The following TYW1 variants were observed in gnomAD, a reference collection of about 807,000 sequenced individuals.
TYW1 encodes the protein S-adenosyl-L-methionine-dependent tRNA 4-demethylwyosine synthase TYW1.
A neutral mutation model predicts 96.2 loss-of-function variants in TYW1; 46 were observed. The ratio of observed to expected loss-of-function variants is 0.48; its 90% CI spans 0.38 to 0.61. The LOEUF (loss-of-function observed/expected upper bound fraction) is 0.61, where lower values mean the gene tolerates loss of function less well. Among genes scored for constraint, TYW1 ranks in the 20% least tolerant of loss-of-function variants. The probability of loss-of-function intolerance (pLI) is 0.00; values close to 1 mark genes in which losing one functional copy is unlikely to be tolerated. For synonymous variants in TYW1, 274 were observed against 323.0 expected (o/e 0.85, Z 1.63); for missense variants, 684 against 909.6 (o/e 0.75, Z 3.19).
At chr7:67,221,951 A>C (rs1419135458) in intron 15 of TYW1, among the ~76,000 whole-genome samples, 12 of 151,846 alleles carry the variant, frequency 7.9e-5, no homozygotes, top group Middle Eastern at 3.5e-3. Flanking sequence ...TAATCCCAGC[A>C]CTTTGGGAGG....
At chr7:67,124,663 C>T (rs1012670918) in intron 13 of TYW1, among the ~76,000 whole-genome samples, 3 of 151,950 alleles carry the variant, frequency 2.0e-5, no homozygotes, top group African/African-American at 4.8e-5. Context: ...ATAAATGAAA[C>T]GATTGTTTAT....
chr7:67,144,759 C>T lies in TYW1; in HGVS notation c.1698+27141C>T, dbSNP rs548204488. ...TGCTGAGATTGCAGGCGTGAGCCAC[C>T]GGGCCTGGCCTCCTCTTTGTTTTTA... On this transcript the variant is annotated intron_variant, in intron 13 of 15. Transcript: ENST00000359626. Among the ~76,000 whole-genome samples, 5 of 152,280 alleles carry T rather than the reference C, an allele frequency of 3.3e-5. No homozygotes were observed. The South Asian group carries it at 1.0e-3, about 32-fold the overall frequency.
chr7:67,167,655 T>TA (rs1033076632), intron 13 of TYW1, among the ~76,000 whole-genome samples: 15 of 152,054 alleles, frequency 9.9e-5, no homozygotes, highest in African/African-American at 3.6e-4. Context: ...TTTATTTTTT[T>TA]AAAAAACAAT....
At chr7:67,122,234 G>A (rs11764514) in intron 13 of TYW1, among the ~76,000 whole-genome samples, 42,004 of 151,844 alleles carry the variant, frequency 0.28, 6,654 homozygotes, top group African/African-American at 0.44. Context: ...TGCATTGCAC[G>A]TTAACAATGA....
chr7:67,059,767 T>A (rs762258806), intron 9 of TYW1, among the ~76,000 whole-genome samples: 1 of 151,672 alleles, frequency 6.6e-6, no homozygotes, highest in African/African-American at 2.4e-5. Flanking sequence ...CATCTTGTAG[T>A]TATTTTTATT....
chr7:67,135,494 A>G (rs71526601), intron 13 of TYW1, among the ~76,000 whole-genome samples: 47,222 of 150,284 alleles, frequency 0.31, 7,943 homozygotes, highest in African/African-American at 0.44. Context: ...AGTAGAGATG[A>G]GGTTTCCCCA....
intron 9 of TYW1, among the ~76,000 whole-genome samples, chr7:67,064,814 C>A (rs1420334832): frequency 1.1e-4 from 17 of 152,148 alleles, no homozygotes; most frequent in Non-Finnish European, 2.9e-5. Flanking sequence ...TCAACAAATG[C>A]TGCTGGAGCA....
intron 11 of TYW1, among the ~76,000 whole-genome samples, chr7:67,092,978 C>T (rs943481826): frequency 1.6e-4 from 25 of 152,044 alleles, no homozygotes; most frequent in Admixed American, 1.0e-3. Flanking sequence ...CCACCACGCC[C>T]GGCCCAAAAC....
At chr7:67,001,115 G>A (rs1037405183) in intron 3 of TYW1, among the ~76,000 whole-genome samples, 2 of 152,078 alleles carry the variant, frequency 1.3e-5, no homozygotes, top group East Asian at 1.9e-4. Context: ...AAGATCAAAC[G>A]AATACTTGCA....
intron 8 of TYW1, among the ~76,000 whole-genome samples, chr7:67,053,424 G>A (rs530958290): frequency 6.8e-6 from 1 of 146,798 alleles, no homozygotes; most frequent in South Asian, 2.1e-4. Context: ...TTGTTGCCCA[G>A]TCTGGGGTGC....
chr7:67,112,462 A>G (rs2115944679), intron 12 of TYW1, among the ~76,000 whole-genome samples: 1 of 152,154 alleles, frequency 6.6e-6, no homozygotes, highest in Middle Eastern at 3.4e-3. Context: ...CTAAAAATAC[A>G]AAAATTAGGC....
intron 8 of TYW1, 123 bp downstream of exon 8, chr7:67,050,189 A>G: frequency 2.6e-6 from 3 of 1,159,004 alleles, no homozygotes; most frequent in Non-Finnish European, 3.7e-6. Context: ...ATAACAGTCT[A>G]AAGATTTACC....
intron 14 of TYW1, among the ~76,000 whole-genome samples, chr7:67,186,406 C>G (rs1237662064): frequency 6.6e-6 from 1 of 151,942 alleles, no homozygotes; most frequent in Non-Finnish European, 1.5e-5. Context: ...CAGTATACTT[C>G]TCTGATGGGT....
At chr7:67,035,788 C>T in intron 7 of TYW1, among the ~76,000 whole-genome samples, 1 of 152,072 alleles carries the variant, frequency 6.6e-6, no homozygotes. Flanking sequence ...AGCGATTCTC[C>T]TGCTTTAGCC....
chr7:67,078,984 G>A lies in TYW1; in HGVS notation c.1275-4446G>A, dbSNP rs537873847. On this transcript the variant is annotated intron_variant, in intron 10 of 15. Coordinates refer to ENST00000359626, the MANE Select transcript of TYW1 (RefSeq NM_018264.4). ...GCTGGGATTACAGACGTGAGCCACC[G>A]CGCCTGGCTGAGGATTTTTATACCT... is the stretch of plus-strand genomic sequence containing the variant. Among the ~76,000 whole-genome samples, 7 of 152,210 alleles carry A rather than the reference G, an allele frequency of 4.6e-5. No individual in the cohort carries two copies. The East Asian group carries it at 7.7e-4, about 17-fold the overall frequency.
chr7:67,134,779 GTTT>G (rs56261312), intron 13 of TYW1, among the ~76,000 whole-genome samples: 5 of 140,180 alleles, frequency 3.6e-5, no homozygotes, highest in African/African-American at 7.8e-5. Flanking sequence ...ATGCCCATGT[GTTT>G]TTTTTTTTTT....
intron 6 of TYW1, among the ~76,000 whole-genome samples, chr7:67,022,920 G>A (rs541045047): frequency 1.3e-4 from 20 of 152,250 alleles, no homozygotes; most frequent in East Asian, 5.8e-4. Flanking sequence ...AAGATCGTCC[G>A]TGATAATCCT....
intron 6 of TYW1, among the ~76,000 whole-genome samples, chr7:67,018,898 G>A (rs184221984): frequency 1.9e-4 from 29 of 148,868 alleles, no homozygotes; most frequent in African/African-American, 7.2e-4. Flanking sequence ...GGAGGTTCCA[G>A]TGATCTGAGA....
chr7:67,029,409 G>GTATATATATACACATATATATATATACA, intron 7 of TYW1, among the ~76,000 whole-genome samples: 4 of 107,140 alleles, frequency 3.7e-5, no homozygotes, highest in Admixed American at 2.2e-4. Flanking sequence ...GTGTGTGTGT[G>GTATATATATACACATATATATATATACA]TGTGTGTATA....
Sources: gnomAD v4.1 joint callset for allele counts (sites outside exome capture counted in the v4.1 genomes callset) on GRCh38, gnomAD v4.1.1 for gene constraint, MANE v1.5 for transcripts, NCBI Gene and HGNC (gene_info 2026-07-23, HGNC 2026-07-21) for gene names.